The following GABRQ variants were observed in gnomAD, a reference collection of about 807,000 sequenced individuals.
GABRQ encodes the protein gamma-aminobutyric acid type A receptor subunit theta.
Under a neutral mutation model 30.5 loss-of-function variants are expected in GABRQ, and 19 were observed. The observed-to-expected ratio is 0.62, with a 90% CI of 0.43 to 0.91. The LOEUF (loss-of-function observed/expected upper bound fraction) is 0.91, where lower values mean the gene tolerates loss of function less well. GABRQ is among the 40% of genes least tolerant of loss of function. The pLI, the probability that GABRQ is intolerant of heterozygous loss-of-function variation, is 0.00. For missense variants in GABRQ, 520 were observed against 521.4 expected, an observed-to-expected ratio of 1.00 and a Z score of 0.03; for synonymous variants, 187 against 210.2, an observed-to-expected ratio of 0.89 and a Z score of 0.95.
At chrX:152,644,040 CACGTGCAA>C (rs1930822378) in intron 2 of GABRQ, among the ~76,000 whole-genome samples, 1 of 112,230 alleles carries the variant, frequency 8.9e-6, no homozygotes, top group African/African-American at 3.2e-5. Flanking sequence ...AACATGCTCA[CACGTGCAA>C]ACATGCTCAC....
At chrX:152,644,131 A>G (rs1379655940) in intron 2 of GABRQ, among the ~76,000 whole-genome samples, 1 of 111,535 alleles carries the variant, frequency 9.0e-6, no homozygotes, top group Non-Finnish European at 1.9e-5. Flanking sequence ...ACCCACAAAC[A>G]CGCTCCCACA....
rs1177836882 is a variant in GABRQ, at chrX:152,646,937, T to C, written c.307-11T>C. ...CAAACTTACAACTGGGATTTACATT[T>C]GTCTTCCCAGGACTACACGATCACG... On this transcript the variant is annotated splice_polypyrimidine_tract_variant and intron_variant, in intron 3 of 8. Coordinates refer to ENST00000598523, the MANE Select transcript of GABRQ (RefSeq NM_018558.4). 2 of 1,164,935 alleles carry C rather than the reference T, an allele frequency of 1.7e-6. No individual in the cohort carries two copies. Among genetic ancestry groups the C allele is most frequent in the African/African-American group, 3.6e-5 (2 of 56,276 alleles).
Position 152,638,279 on chromosome X carries a change from C to A in GABRQ, c.77C>A (p.Pro26His), listed in dbSNP as rs782549025. 4 of 1,208,643 alleles carry A rather than the reference C, an allele frequency of 3.3e-6. No individual in the cohort carries two copies. The highest frequency in any genetic ancestry group is 4.5e-6 in the Non-Finnish European group (4 of 892,893). Residue 26 changes from proline to histidine, a missense_variant, in exon 1 of 9, where the codon CCC becomes CAC. Coordinates refer to ENST00000598523, the MANE Select transcript of GABRQ (RefSeq NM_018558.4). ...ACCTGGCTCGCGGAGGGCAACTACCCCAGTCCCATCCCGAAATTCCACTTC... is the reference window on the plus strand; with the variant it reads ...ACCTGGCTCGCGGAGGGCAACTACCACAGTCCCATCCCGAAATTCCACTTC... ...IRTWLAEGNY[P>H]SPIPKFHFEF...
At chrX:152,642,039 G>A (rs1556818493) in intron 2 of GABRQ, among the ~76,000 whole-genome samples, 1 of 111,676 alleles carries the variant, frequency 9.0e-6, no homozygotes, top group Non-Finnish European at 1.9e-5. Flanking sequence ...GTTACCCTAA[G>A]CTTTGTGGAC....
chrX:152,644,833 TTCACTC>T (rs1163623320), intron 2 of GABRQ, among the ~76,000 whole-genome samples: 3 of 111,714 alleles, frequency 2.7e-5, no homozygotes, highest in East Asian at 5.6e-4. Flanking sequence ...TGTTCACACA[TTCACTC>T]TCACACACAG....
chrX:152,640,561 C>A (rs1556818271), intron 2 of GABRQ, 95 bp downstream of exon 2: 1 of 578,984 alleles, frequency 1.7e-6, no homozygotes, highest in Admixed American at 2.2e-5. Flanking sequence ...CCAGTGGTAT[C>A]CTGCGGGCTC....
chrX:152,649,478 T>C (rs782266758), intron 5 of GABRQ, 145 bp downstream of exon 5: 2 of 477,232 alleles, frequency 4.2e-6, no homozygotes, highest in Middle Eastern at 5.3e-4. Context: ...AAATAGACGA[T>C]AGAGGATAGA....
intron 4 of GABRQ, 73 bp from the exon 5 acceptor site, chrX:152,649,178 T>G: frequency 1.5e-6 from 1 of 663,401 alleles, no homozygotes; most frequent in Non-Finnish European, 2.5e-6. Flanking sequence ...TCCCCACCCC[T>G]GCAGTTTCCT....
downstream of GABRQ, among the ~76,000 whole-genome samples, chrX:152,658,663 T>C (rs1480149242): frequency 8.9e-6 from 1 of 112,213 alleles, no homozygotes; most frequent in Non-Finnish European, 1.9e-5. Context: ...AGTACAGTTG[T>C]AGCTGATAAG....
chrX:152,650,691 G>T (rs1295369963), intron 7 of GABRQ, 111 bp downstream of exon 7: 1 of 563,845 alleles, frequency 1.8e-6, no homozygotes, highest in Non-Finnish European at 2.9e-6. Flanking sequence ...CACAGGCAAG[G>T]AAATAAGGAT....
Position 152,655,146 on chromosome X carries a change from C to T in GABRQ, c.*1865C>T, listed in dbSNP as rs942643159. The T allele has an allele frequency of 1.8e-5, 2 of 112,377 alleles. No individual in the cohort carries two copies. Among genetic ancestry groups the T allele is most frequent in the African/African-American group, 6.5e-5 (2 of 30,889 alleles). The allele number at this position is 112,377 out of a possible 1,213,427, so 9.3% of individuals were successfully genotyped here. A position where few individuals can be genotyped will look rare whatever the true frequency, so the allele number is the denominator to read the frequency against. On this transcript the variant is annotated 3_prime_UTR_variant, in exon 9 of 9. Coordinates refer to ENST00000598523, the MANE Select transcript of GABRQ (RefSeq NM_018558.4). ...TTTGAATGGGTGTGAAAGGAAATAC[C>T]CCTGAAAGCATATGTATTCCCTGTT...
At position 152,657,421 on chromosome X, in the gene GABRQ, G is replaced by T. The variant is rs1430400959; in HGVS notation, c.*4140G>T. 8.9e-6 allele frequency: 1 copy of T among 111,764 alleles called. No homozygotes were observed. The highest frequency in any genetic ancestry group is 3.8e-4 in the South Asian group (1 of 2,646). 9.2% of individuals were successfully genotyped at this position (111,764 alleles called of 1,213,427 possible). A position where few individuals can be genotyped will look rare whatever the true frequency, so the allele number is the denominator to read the frequency against. ...CTTTGCATGAAAAGGACCTTGACTGGTCTGGACTTTAACAAAGTAAAATAT... is the reference window on the plus strand; with the variant it reads ...CTTTGCATGAAAAGGACCTTGACTGTTCTGGACTTTAACAAAGTAAAATAT... On this transcript the variant is annotated 3_prime_UTR_variant, in exon 9 of 9. Coordinates refer to ENST00000598523, the MANE Select transcript of GABRQ (RefSeq NM_018558.4).
intron 8 of GABRQ, among the ~76,000 whole-genome samples, chrX:152,652,290 G>A (rs1420503858): frequency 8.8e-6 from 1 of 113,139 alleles, no homozygotes; most frequent in Non-Finnish European, 1.9e-5. Context: ...GCACTCCTGA[G>A]GGAGCAGCTG....
rs1052016931 is a variant in GABRQ at position 152,652,446 on chromosome X, G to A, written c.1159-95G>A. 1.3e-4 allele frequency: 93 copies of A among 720,701 alleles called. 1 individual carries two copies. The African/African-American group carries it at 1.9e-3, about 14-fold the overall frequency. 59.4% of individuals were successfully genotyped at this position (720,701 alleles called of 1,213,427 possible). On this transcript the variant is annotated intron_variant, in intron 8 of 8. Coordinates refer to ENST00000598523, the MANE Select transcript of GABRQ (RefSeq NM_018558.4). ...CAAAGAGATCAGTAACATTACAAGT[G>A]CTGATGAGGGAAGTCCCTTCCCTCC...
chrX:152,640,253 G>C (rs1044653947), intron 1 of GABRQ, 125 bp from the exon 2 acceptor site: 1 of 523,874 alleles, frequency 1.9e-6, no homozygotes, highest in East Asian at 3.4e-5. Context: ...CAGGGAGAGA[G>C]AGTGTGTACA....
At chrX:152,648,823 C>A (rs1266545784) in intron 4 of GABRQ, among the ~76,000 whole-genome samples, 1 of 112,499 alleles carries the variant, frequency 8.9e-6, no homozygotes, top group African/African-American at 3.2e-5. Context: ...TAGGCCTGCA[C>A]CTCTGGCTTG....
At position 152,653,258 on chromosome X, in the gene GABRQ, T is replaced by C; in HGVS notation, c.1876T>C (p.Tyr626His). The C allele has an allele frequency of 8.3e-7, 1 of 1,203,024 alleles. No individual in the cohort carries two copies. Reference sequence around the variant, plus strand: ...GGCCTTTGGGTTGTTCAACATTGTTTACTGGGTATACCATATGTATTAGTC... The same window carrying C: ...GGCCTTTGGGTTGTTCAACATTGTTCACTGGGTATACCATATGTATTAGTC... ...PLAFGLFNIV[Y>H]WVYHMY is the part of the protein sequence containing the mutation. The change falls in exon 9 of 9, where the codon TAC (tyrosine) becomes CAC (histidine). Residue 626 changes from tyrosine (Y) to histidine (H), a missense_variant. Coordinates refer to ENST00000598523, the MANE Select transcript of GABRQ (RefSeq NM_018558.4).
intron 7 of GABRQ, among the ~76,000 whole-genome samples, chrX:152,650,806 GCCCGTTGAGC>G: frequency 9.0e-6 from 1 of 111,267 alleles, no homozygotes; most frequent in Non-Finnish European, 1.9e-5. Context: ...TGGAATCTTG[GCCCGTTGAGC>G]CCCGAGTACC....
At chrX:152,642,951 G>A in intron 2 of GABRQ, among the ~76,000 whole-genome samples, 1 of 112,646 alleles carries the variant, frequency 8.9e-6, no homozygotes, top group Non-Finnish European at 1.9e-5. Context: ...GCTTGGTGAG[G>A]GGAATGTGAA....
Sources: allele counts gnomAD v4.1 joint callset (sites outside exome capture counted in the v4.1 genomes callset), GRCh38; gene constraint gnomAD v4.1.1; transcripts MANE v1.5; gene names NCBI Gene and HGNC (gene_info 2026-07-23, HGNC 2026-07-21).